TSPAN18: variants seen among roughly 807,000 people sequenced by gnomAD.
TSPAN18 encodes the protein tetraspanin-18.
TSPAN18 carries 14 observed loss-of-function variants against 27.3 expected under a neutral mutation model. That is an observed-to-expected ratio of 0.51 (90% CI 0.34 to 0.80). TSPAN18 has a LOEUF of 0.80. Ranked by LOEUF, TSPAN18 falls within the 30% of genes least tolerant of loss-of-function variation. The pLI, the probability that TSPAN18 is intolerant of heterozygous loss-of-function variation, is 0.01. For missense variants in TSPAN18, 268 were observed against 323.9 expected (o/e 0.83, Z 1.32); for synonymous variants, 143 against 136.5 (o/e 1.05, Z -0.33).
chr11:44,791,832 G>A (rs373138882), intron 2 of TSPAN18, among the ~76,000 whole-genome samples: 34 of 152,324 alleles, frequency 2.2e-4, no homozygotes, highest in Admixed American at 1.6e-3. Context: ...ATGTGACCTC[G>A]ACAAGCCATT....
chr11:44,818,424 G>A (rs563557513), intron 2 of TSPAN18, among the ~76,000 whole-genome samples: 56 of 152,358 alleles, frequency 3.7e-4, no homozygotes, highest in African/African-American at 1.3e-3. Flanking sequence ...CAGCACCCCA[G>A]CTGTCCAGAG....
Position 44,729,206 on chromosome 11 carries a change from C to T in TSPAN18, c.-240+1919C>T, listed in dbSNP as rs373950504. The stretch of plus-strand genomic sequence containing the variant: ...GGAGAGAAAGGAAAGGGTGGAGAAG[C>T]CTGCTGTGTCTGGATAGGTCTTTAA... On this transcript the variant is annotated intron_variant, in intron 1 of 9. Coordinates refer to ENST00000520358, the MANE Select transcript of TSPAN18 (RefSeq NM_130783.5). Among the ~76,000 whole-genome samples the T allele has an allele frequency of 1.1e-4, 16 of 152,294 alleles. No individual in the cohort carries two copies. In the East Asian group the frequency reaches 1.9e-3, roughly 18 times the overall value.
intron 5 of TSPAN18, among the ~76,000 whole-genome samples, chr11:44,912,184 G>C (rs1480845104): frequency 1.3e-5 from 2 of 151,952 alleles, no homozygotes; most frequent in African/African-American, 4.8e-5. Flanking sequence ...GTCACGCCCA[G>C]CTAATTTTTG....
intron 4 of TSPAN18, among the ~76,000 whole-genome samples, chr11:44,908,762 G>GAA (rs1554938008): frequency 1.4e-5 from 1 of 71,186 alleles, no homozygotes; most frequent in South Asian, 4.0e-4. Context: ...GAGAGAGAGA[G>GAA]AGAAAGGAGA....
At chr11:44,900,999 A>G (rs78454431) in intron 3 of TSPAN18, among the ~76,000 whole-genome samples, 2,446 of 152,172 alleles carry the variant, frequency 0.016, 60 homozygotes, top group African/African-American at 0.056. Flanking sequence ...CCGGCCGAGG[A>G]AGGCATTGTT....
chr11:44,882,163 A>G (rs1565189804), intron 3 of TSPAN18, among the ~76,000 whole-genome samples: 1 of 151,988 alleles, frequency 6.6e-6, no homozygotes, highest in Non-Finnish European at 1.5e-5. Context: ...GTCAGATCAG[A>G]CCCTGGACAG....
chr11:44,846,606 T>TGTGTGTGTGTGTGTGTGTGTG (rs576341145), intron 2 of TSPAN18, among the ~76,000 whole-genome samples: 50 of 151,228 alleles, frequency 3.3e-4, no homozygotes, highest in South Asian at 6.3e-4. Flanking sequence ...GTGTGTGTGT[T>TGTGTGTGTGTGTGTGTGTGTG]TGTGTGTGTG....
In TSPAN18 at chr11:44,922,117, A is replaced by ATTTTTTTTTT. The variant is rs10659284; in HGVS notation, c.615+2126_615+2135dup. Among the ~76,000 whole-genome samples the ATTTTTTTTTT allele has an allele frequency of 1.3e-4, 17 of 131,376 alleles. 1 individual carries two copies. The highest frequency in any genetic ancestry group is 4.6e-4 in the African/African-American group (16 of 34,958). The allele number at this position is 131,376 out of a possible 152,430, so 86.2% of individuals were successfully genotyped here. ...CCCTCTTGCTTAAAGCCCAGGATGC[A>ATTTTTTTTTT]TTTTTTTTTTTTTTTTTGAGACTGA... On this transcript the variant is annotated intron_variant, in intron 8 of 9. Coordinates refer to ENST00000520358, the MANE Select transcript of TSPAN18 (RefSeq NM_130783.5).
At chr11:44,885,065 G>A (rs1044120253) in intron 3 of TSPAN18, among the ~76,000 whole-genome samples, 3 of 152,214 alleles carry the variant, frequency 2.0e-5, no homozygotes, top group Non-Finnish European at 2.9e-5. Context: ...TCAACCCAAA[G>A]GAGATCTGGG....
At chr11:44,918,097 G>T in intron 6 of TSPAN18, 51 bp downstream of exon 6, 1 of 1,589,020 alleles carries the variant, frequency 6.3e-7, no homozygotes. Context: ...GCAAGGGGTT[G>T]GTGGCCATTC....
intron 3 of TSPAN18, among the ~76,000 whole-genome samples, chr11:44,872,885 T>C (rs1258025556): frequency 6.6e-6 from 1 of 152,178 alleles, no homozygotes; most frequent in Non-Finnish European, 1.5e-5. Context: ...AGGGTGCCTG[T>C]GCTTCAGAGG....
chr11:44,791,829 C>T (rs1489514117), intron 2 of TSPAN18, among the ~76,000 whole-genome samples: 2 of 152,222 alleles, frequency 1.3e-5, no homozygotes, highest in East Asian at 3.9e-4. Flanking sequence ...GCTATGTGAC[C>T]TCGACAAGCC....
At chr11:44,928,530 T>C (rs1455103754) in intron 9 of TSPAN18, among the ~76,000 whole-genome samples, 1 of 152,158 alleles carries the variant, frequency 6.6e-6, no homozygotes, top group Admixed American at 6.5e-5. Context: ...CTCACGCCTG[T>C]AAATCCTAGC....
intron 2 of TSPAN18, among the ~76,000 whole-genome samples, chr11:44,790,346 T>G (rs201205199): frequency 0.042 from 6,373 of 150,246 alleles, 343 homozygotes; most frequent in East Asian, 0.16. Flanking sequence ...TGTGCATGTG[T>G]TGGTGTGTGT....
At chr11:44,790,725 A>C (rs2135041016) in intron 2 of TSPAN18, among the ~76,000 whole-genome samples, 1 of 152,326 alleles carries the variant, frequency 6.6e-6, no homozygotes, top group Middle Eastern at 3.4e-3. Context: ...GAGATACCCA[A>C]AAAGATGATG....
At chr11:44,896,535 A>G (rs1191719091) in intron 3 of TSPAN18, among the ~76,000 whole-genome samples, 1 of 152,032 alleles carries the variant, frequency 6.6e-6, no homozygotes, top group African/African-American at 2.4e-5. Context: ...GGCCTGTCAC[A>G]TAGGTATGTT....
chr11:44,902,359 G>A (rs1033780949), intron 3 of TSPAN18, among the ~76,000 whole-genome samples: 2 of 152,232 alleles, frequency 1.3e-5, no homozygotes, highest in Non-Finnish European at 2.9e-5. Flanking sequence ...CCATGCTTAG[G>A]ACCATGCTGG....
At chr11:44,924,494 T>C (rs1377922032) in intron 8 of TSPAN18, among the ~76,000 whole-genome samples, 1 of 152,084 alleles carries the variant, frequency 6.6e-6, no homozygotes, top group Non-Finnish European at 1.5e-5. Flanking sequence ...GCCATTGCTG[T>C]TCCCTGTCCG....
chr11:44,909,483 A>G (rs1380225827), intron 4 of TSPAN18: 4 of 533,974 alleles, frequency 7.5e-6, no homozygotes, highest in East Asian at 6.1e-5. Context: ...TTGGATTTAG[A>G]GGATGCGTGT....
Sources: gnomAD v4.1 joint callset for allele counts (sites outside exome capture counted in the v4.1 genomes callset) on GRCh38, gnomAD v4.1.1 for gene constraint, MANE v1.5 for transcripts, NCBI Gene and HGNC (gene_info 2026-07-23, HGNC 2026-07-21) for gene names.